The following SGCZ variants were observed in gnomAD, a reference collection of about 807,000 sequenced individuals.
The protein encoded by SGCZ is sarcoglycan zeta.
SGCZ carries 40 observed loss-of-function variants against 41.3 expected under a neutral mutation model. That is an observed-to-expected ratio of 0.97 (90% CI 0.75 to 1.26). SGCZ has a LOEUF of 1.26. SGCZ is among the 50% of genes most tolerant of loss of function. The probability of loss-of-function intolerance (pLI) is 0.00; values close to 1 mark genes in which losing one functional copy is unlikely to be tolerated. For synonymous variants in SGCZ, 206 were observed against 137.5 expected, an observed-to-expected ratio of 1.50 and a Z score of -3.49; for missense variants, 552 against 369.8, an observed-to-expected ratio of 1.49 and a Z score of -4.04.
intron 2 of SGCZ, among the ~76,000 whole-genome samples, chr8:14,515,348 T>A (rs12676913): frequency 0.14 from 21,801 of 152,122 alleles, 1,926 homozygotes; most frequent in Admixed American, 0.2. Context: ...AGAAAAGCTA[T>A]TTTTAAATAT....
intron 1 of SGCZ, among the ~76,000 whole-genome samples, chr8:15,200,381 A>T (rs1800853345): frequency 6.6e-6 from 1 of 152,152 alleles, no homozygotes; most frequent in African/African-American, 2.4e-5. Context: ...CCAGGCCATC[A>T]CTGGTACCTC....
chr8:14,637,341 G>C (rs1806865145), intron 1 of SGCZ, among the ~76,000 whole-genome samples: 1 of 150,238 alleles, frequency 6.7e-6, no homozygotes, highest in Admixed American at 6.7e-5. Context: ...TTTTATTTTA[G>C]ACTCGGAGTA....
At chr8:15,171,635 C>T (rs954825647) in intron 1 of SGCZ, among the ~76,000 whole-genome samples, 1 of 152,168 alleles carries the variant, frequency 6.6e-6, no homozygotes, top group East Asian at 1.9e-4. Context: ...ATTAGAAGTT[C>T]TTCTGATTTC....
chr8:14,094,010 T>C (rs74444465), intron 7 of SGCZ, among the ~76,000 whole-genome samples: 216 of 152,182 alleles, frequency 1.4e-3, no homozygotes, highest in Middle Eastern at 6.8e-3. Flanking sequence ...AATTACATGA[T>C]GCCTTTTCTT....
chr8:15,098,139 G>A (rs1806457005), intron 1 of SGCZ, among the ~76,000 whole-genome samples: 2 of 151,060 alleles, frequency 1.3e-5, no homozygotes, highest in South Asian at 2.1e-4. Context: ...AAAAAGCAGA[G>A]CAGGAAAGGA....
chr8:15,198,526 T>C (rs2117128346), intron 1 of SGCZ, among the ~76,000 whole-genome samples: 1 of 152,264 alleles, frequency 6.6e-6, no homozygotes, highest in East Asian at 1.9e-4. Context: ...TCATGTACAA[T>C]CTTGTGAAAT....
chr8:14,516,651 C>T (rs1215288710), intron 2 of SGCZ, among the ~76,000 whole-genome samples: 1 of 152,024 alleles, frequency 6.6e-6, no homozygotes. Flanking sequence ...TCCTAAAAAG[C>T]ATCCCATAAA....
At chr8:14,538,437 G>T (rs1563395258) in intron 2 of SGCZ, among the ~76,000 whole-genome samples, 1 of 151,900 alleles carries the variant, frequency 6.6e-6, no homozygotes, top group Non-Finnish European at 1.5e-5. Context: ...GAACATTCTA[G>T]ATGCCATGGG....
intron 3 of SGCZ, among the ~76,000 whole-genome samples, chr8:14,286,362 T>C (rs1481095281): frequency 6.6e-6 from 1 of 152,150 alleles, no homozygotes; most frequent in African/African-American, 2.4e-5. Flanking sequence ...CCATTCATTC[T>C]CTGACCTCCA....
At chr8:14,646,973 G>A (rs978419023) in intron 1 of SGCZ, among the ~76,000 whole-genome samples, 6 of 151,922 alleles carry the variant, frequency 3.9e-5, no homozygotes, top group African/African-American at 1.2e-4. Flanking sequence ...TTTCAGAAAT[G>A]AAGCCTGGAA....
chr8:14,746,236 A>T lies in SGCZ; in HGVS notation c.40-191310T>A, dbSNP rs1027713820. Among the ~76,000 whole-genome samples the T allele has an allele frequency of 3.3e-5, 5 of 152,190 alleles. No homozygotes were observed. The East Asian group carries it at 9.6e-4, about 29-fold the overall frequency. On this transcript the variant is annotated intron_variant, in intron 1 of 7. Transcript: ENST00000382080. ...TGAATGTCAGTGGAATTTTTAAAAA[A>T]CCTGCTTTTTATTCCATTTGTTCTT...
intron 1 of SGCZ, among the ~76,000 whole-genome samples, chr8:15,042,105 G>C (rs1483953927): frequency 6.6e-6 from 1 of 152,128 alleles, no homozygotes; most frequent in Non-Finnish European, 1.5e-5. Context: ...TTCATAGTAA[G>C]ATGATAAAGA....
chr8:14,302,430 A>G (rs754711866), intron 3 of SGCZ, among the ~76,000 whole-genome samples: 1 of 152,090 alleles, frequency 6.6e-6, no homozygotes, highest in Non-Finnish European at 1.5e-5. Flanking sequence ...AAATGAATCA[A>G]TTTTATATTT....
intron 1 of SGCZ, among the ~76,000 whole-genome samples, chr8:15,151,933 G>A (rs1490738944): frequency 6.6e-6 from 1 of 152,036 alleles, no homozygotes; most frequent in African/African-American, 2.4e-5. Flanking sequence ...CATACACTAA[G>A]GGGAAAAAAA....
chr8:14,661,506 G>A (rs999188073), intron 1 of SGCZ, among the ~76,000 whole-genome samples: 1 of 152,130 alleles, frequency 6.6e-6, no homozygotes, highest in East Asian at 1.9e-4. Context: ...TTCAAATACA[G>A]CACCAATCAA....
chr8:14,126,030 A>T (rs1407074334), intron 5 of SGCZ, among the ~76,000 whole-genome samples: 3 of 152,230 alleles, frequency 2.0e-5, no homozygotes, highest in African/African-American at 7.2e-5. Flanking sequence ...AAAACCCTAG[A>T]AGAAAGGCTA....
chr8:14,926,653 T>G (rs974799122), intron 1 of SGCZ, among the ~76,000 whole-genome samples: 6 of 152,212 alleles, frequency 3.9e-5, no homozygotes, highest in Admixed American at 2.6e-4. Context: ...GGTTTTTTTT[T>G]GTTTTTTTGA....
chr8:14,475,812 A>C (rs553489353), intron 2 of SGCZ, among the ~76,000 whole-genome samples: 1 of 152,266 alleles, frequency 6.6e-6, no homozygotes, highest in Admixed American at 6.5e-5. Context: ...TACAATGTTG[A>C]ATATACACAT....
chr8:15,020,890 A>T (rs1449403418), intron 1 of SGCZ, among the ~76,000 whole-genome samples: 1 of 152,202 alleles, frequency 6.6e-6, no homozygotes, highest in African/African-American at 2.4e-5. Flanking sequence ...ATTTTAGGTA[A>T]AATTTAGAAA....
Sources: gnomAD v4.1 joint callset for allele counts (sites outside exome capture counted in the v4.1 genomes callset) on GRCh38, gnomAD v4.1.1 for gene constraint, MANE v1.5 for transcripts, NCBI Gene and HGNC (gene_info 2026-07-23, HGNC 2026-07-21) for gene names.